Variants in CHRM3 observed in about 807,000 individuals in gnomAD.
The protein encoded by CHRM3 is muscarinic acetylcholine receptor M3.
In CHRM3, 11 loss-of-function variants were observed where a neutral mutation model predicts 41.8. The ratio of observed to expected loss-of-function variants is 0.26; its 90% confidence interval spans 0.17 to 0.44. The LOEUF (loss-of-function observed/expected upper bound fraction) is 0.44, where lower values mean the gene tolerates loss of function less well. Among genes scored for constraint, CHRM3 ranks in the 20% least tolerant of loss-of-function variants. CHRM3 has a pLI of 1.00. For synonymous variants in CHRM3, 297 were observed against 301.4 expected (o/e 0.99, Z 0.15); for missense variants, 571 against 745.4 (o/e 0.77, Z 2.72).
intron 6 of CHRM3, among the ~76,000 whole-genome samples, chr1:239,870,843 T>C (rs1261851230): frequency 6.6e-6 from 1 of 152,204 alleles, no homozygotes; most frequent in Non-Finnish European, 1.5e-5. Context: ...GTTTATCCTC[T>C]TTTTGACTCA....
chr1:239,462,760 C>T (rs1387454412), intron 1 of CHRM3, among the ~76,000 whole-genome samples: 1 of 152,212 alleles, frequency 6.6e-6, no homozygotes, highest in Non-Finnish European at 1.5e-5. Context: ...CTCAAGTTTA[C>T]TTAACAACTG....
chr1:239,453,953 C>T lies in CHRM3; in HGVS notation c.-520-38756C>T, dbSNP rs147607283. ...AGCACAGTTAGGAGAAAGTCTTAGC[C>T]AGGTTGATGGGAAGTGTATAATAGT... On this transcript the variant is annotated intron_variant, in intron 1 of 6. Transcript: ENST00000676153. Among the ~76,000 whole-genome samples the T allele has an allele frequency of 6.6e-3, 1,010 of 152,238 alleles. 14 individuals carry two copies. The highest frequency in any genetic ancestry group is 0.023 in the African/African-American group (940 of 41,536).
chr1:239,824,925 C>T (rs1461775068), intron 5 of CHRM3, among the ~76,000 whole-genome samples: 1 of 152,208 alleles, frequency 6.6e-6, no homozygotes, highest in African/African-American at 2.4e-5. Context: ...TCAAATAAAA[C>T]CTGCAACTTC....
At chr1:239,397,298 T>C (rs546209823) in intron 1 of CHRM3, among the ~76,000 whole-genome samples, 63 of 152,352 alleles carry the variant, frequency 4.1e-4, no homozygotes, top group African/African-American at 1.3e-3. Context: ...TGTGTACATA[T>C]TTATCTATCA....
At chr1:239,799,702 T>G (rs1200668540) in intron 5 of CHRM3, among the ~76,000 whole-genome samples, 1 of 152,204 alleles carries the variant, frequency 6.6e-6, no homozygotes, top group African/African-American at 2.4e-5. Context: ...CAGATTCCGT[T>G]GTCTTTAGGC....
chr1:239,860,721 T>A (rs1675566939), intron 6 of CHRM3, among the ~76,000 whole-genome samples: 1 of 152,220 alleles, frequency 6.6e-6, no homozygotes, highest in African/African-American at 2.4e-5. Flanking sequence ...TGTCGTGTCA[T>A]GTCAACACTC....
intron 6 of CHRM3, among the ~76,000 whole-genome samples, chr1:239,836,327 C>T (rs2149128248): frequency 6.6e-6 from 1 of 152,288 alleles, no homozygotes; most frequent in East Asian, 1.9e-4. Context: ...CATAATCAAG[C>T]ATCCGAGCCT....
chr1:239,804,670 G>A (rs775510186), intron 5 of CHRM3, among the ~76,000 whole-genome samples: 3 of 152,172 alleles, frequency 2.0e-5, no homozygotes, highest in Non-Finnish European at 2.9e-5. Flanking sequence ...CATGGGGCAC[G>A]TGCAAGTTCA....
intron 5 of CHRM3, among the ~76,000 whole-genome samples, chr1:239,724,090 G>T (rs568611227): frequency 6.6e-6 from 1 of 151,564 alleles, no homozygotes; most frequent in Admixed American, 6.6e-5. Flanking sequence ...GTCAATATTG[G>T]CCCAAAGTCA....
chr1:239,606,723 A>T (rs549139235), intron 3 of CHRM3, among the ~76,000 whole-genome samples: 1 of 152,346 alleles, frequency 6.6e-6, no homozygotes, highest in East Asian at 1.9e-4. Context: ...CAAAATTACC[A>T]GATTCGTAAG....
At chr1:239,390,547 C>T (rs1658935353) in intron 1 of CHRM3, among the ~76,000 whole-genome samples, 1 of 151,936 alleles carries the variant, frequency 6.6e-6, no homozygotes, top group Admixed American at 6.5e-5. Flanking sequence ...TGCATTGCTC[C>T]CTCTGCCCAC....
intron 5 of CHRM3, among the ~76,000 whole-genome samples, chr1:239,709,749 G>A (rs1433448968): frequency 6.6e-6 from 1 of 151,992 alleles, no homozygotes; most frequent in Non-Finnish European, 1.5e-5. Context: ...ATTTTAAGTT[G>A]GGACGTTCCA....
At chr1:239,736,808 T>C (rs1664432546) in intron 5 of CHRM3, among the ~76,000 whole-genome samples, 1 of 152,180 alleles carries the variant, frequency 6.6e-6, no homozygotes, top group African/African-American at 2.4e-5. Context: ...AAGTAACTTG[T>C]AAAGAATTTG....
rs570839924 is a variant in CHRM3, at chr1:239,556,887, C to T, written c.-313+11138C>T. ...ACATAGAAGAAAGCAAATGCGTGTTCGTTAAATGGAGTTGAATTGAATTGA... is the reference window on the plus strand; with the variant it reads ...ACATAGAAGAAAGCAAATGCGTGTTTGTTAAATGGAGTTGAATTGAATTGA... On this transcript the variant is annotated intron_variant, in intron 3 of 6. Coordinates refer to ENST00000676153, the MANE Select transcript of CHRM3 (RefSeq NM_001375978.1). 3.9e-5 allele frequency among the ~76,000 whole-genome samples: 6 copies of T among 152,070 alleles called. No homozygotes were observed. In the East Asian group the frequency reaches 1.2e-3, roughly 29 times the overall value.
chr1:239,620,496 G>C (rs1292673172), intron 3 of CHRM3, among the ~76,000 whole-genome samples: 1 of 152,126 alleles, frequency 6.6e-6, no homozygotes, highest in Non-Finnish European at 1.5e-5. Context: ...ATAAGAGATA[G>C]AGATAGAGAG....
chr1:239,684,882 G>T (rs962061494), intron 5 of CHRM3, among the ~76,000 whole-genome samples: 2 of 152,086 alleles, frequency 1.3e-5, no homozygotes, highest in Non-Finnish European at 2.9e-5. Context: ...GGAGATTGGA[G>T]GGGAAAAGAT....
At chr1:239,833,274 G>A (rs962237494) in intron 6 of CHRM3, among the ~76,000 whole-genome samples, 5 of 152,086 alleles carry the variant, frequency 3.3e-5, no homozygotes, top group Admixed American at 2.0e-4. Context: ...CTCTTTCCCC[G>A]CTTGGGATAG....
At chr1:239,554,156 T>A (rs1398237383) in intron 3 of CHRM3, among the ~76,000 whole-genome samples, 1 of 152,198 alleles carries the variant, frequency 6.6e-6, no homozygotes, top group East Asian at 1.9e-4. Context: ...CCCAAAGTAC[T>A]GGGATAACAT....
chr1:239,453,714 A>G (rs1378876483), intron 1 of CHRM3, among the ~76,000 whole-genome samples: 1 of 152,188 alleles, frequency 6.6e-6, no homozygotes, highest in Non-Finnish European at 1.5e-5. Context: ...ATACTCTAAA[A>G]GTGTTATTTT....
Sources: gnomAD v4.1 joint callset for allele counts (sites outside exome capture counted in the v4.1 genomes callset) on GRCh38, gnomAD v4.1.1 for gene constraint, MANE v1.5 for transcripts, NCBI Gene and HGNC (gene_info 2026-07-23, HGNC 2026-07-21) for gene names.